The following YWHAZ variants were observed in gnomAD, a reference collection of about 807,000 sequenced individuals.
The protein encoded by YWHAZ is tyrosine 3-monooxygenase/tryptophan 5-monooxygenase activation protein zeta, also known as 14-3-3 protein zeta/delta.
For missense variants in YWHAZ, 79 were observed against 284.8 expected (o/e 0.28, Z 5.20); for synonymous variants, 87 against 103.6 (o/e 0.84, Z 0.97).
intron 2 of YWHAZ, among the ~76,000 whole-genome samples, chr8:100,932,702 G>GA (rs1334414487): frequency 6.6e-6 from 1 of 152,004 alleles, no homozygotes; most frequent in Non-Finnish European, 1.5e-5. Flanking sequence ...GTTCTTTGAA[G>GA]AAAAAAGTGT....
chr8:100,920,480 C>T lies in YWHAZ; in HGVS notation c.*213G>A. ...AATTCCACATCCCCATATTGGCCAC[C>T]TCAAGATGAAAACAGATAACTCCCT... On this transcript the variant is annotated 3_prime_UTR_variant, in exon 6 of 6. Transcript: ENST00000395958. The T allele has an allele frequency of 1.7e-6, 1 of 571,750 alleles. No individual in the cohort carries two copies. Among genetic ancestry groups the T allele is most frequent in the East Asian group, 3.0e-5 (1 of 33,108 alleles). The allele number at this position is 571,750 out of a possible 1,614,324, so 35.4% of individuals were successfully genotyped here. A position where few individuals can be genotyped will look rare whatever the true frequency, so the allele number is the denominator to read the frequency against.
chr8:100,944,464 C>A (rs1037023827), intron 2 of YWHAZ, among the ~76,000 whole-genome samples: 1 of 152,154 alleles, frequency 6.6e-6, no homozygotes, highest in Non-Finnish European at 1.5e-5. Flanking sequence ...ACTGCAGTTG[C>A]CAACTGTTAT....
At chr8:100,939,441 T>C (rs1163512757) in intron 2 of YWHAZ, among the ~76,000 whole-genome samples, 1 of 149,326 alleles carries the variant, frequency 6.7e-6, no homozygotes, top group Non-Finnish European at 1.5e-5. Context: ...GGGTGGATCA[T>C]CTGAGGTCAG....
chr8:100,939,446 G>C (rs1814453514), intron 2 of YWHAZ, among the ~76,000 whole-genome samples: 1 of 150,910 alleles, frequency 6.6e-6, no homozygotes, highest in South Asian at 2.1e-4. Flanking sequence ...GATCATCTGA[G>C]GTCAGGAGTT....
In YWHAZ at chr8:100,920,698, T is replaced by C. The variant is rs1442945644; in HGVS notation, c.733A>G (p.Asn245Asp). The C allele has an allele frequency of 6.2e-7, 1 of 1,608,816 alleles. No homozygotes were observed. Among genetic ancestry groups the C allele is most frequent in the East Asian group, 2.2e-5 (1 of 44,488 alleles). The change falls in exon 6 of 6, where the codon AAT (asparagine) becomes GAT (aspartate). Residue 245 changes from asparagine (N) to aspartate (D), a missense_variant. Transcript: ENST00000395958. Reference protein sequence around the residue: ...DEAEAGEGGEN With the variant: ...DEAEAGEGGED Reference sequence around the variant, plus strand: ...GACAAAAGTTGGAAGGCCGGTTAATTTTCCCCTCCTTCTCCTGCTTCAGCT... The same window carrying C: ...GACAAAAGTTGGAAGGCCGGTTAATCTTCCCCTCCTTCTCCTGCTTCAGCT...
intron 1 of YWHAZ, chr8:100,950,313 G>A (rs145813693): frequency 3.4e-5 from 31 of 914,770 alleles, no homozygotes; most frequent in Middle Eastern, 1.1e-3. Context: ...CGGTACAAGA[G>A]GAAGTGGATA....
chr8:100,942,622 G>A (rs1809956754), intron 2 of YWHAZ, among the ~76,000 whole-genome samples: 1 of 152,118 alleles, frequency 6.6e-6, no homozygotes, highest in African/African-American at 2.4e-5. Flanking sequence ...AGATAATCAA[G>A]ATTAAAATAA....
rs1398489242 is a variant in YWHAZ, at chr8:100,919,613, AT to A, written c.*1079del. 6.6e-6 allele frequency: 1 copy of A among 152,548 alleles called. No homozygotes were observed. Among genetic ancestry groups the A allele is most frequent in the Non-Finnish European group, 1.5e-5 (1 of 68,048 alleles). 9.4% of individuals were successfully genotyped at this position (152,548 alleles called of 1,614,324 possible). The stretch of plus-strand genomic sequence containing the variant: ...GCTGCCAAGAGGGAATAAGGAATAA[AT>A]TTCAAAAAATGTACAATTTCCTTTA... On this transcript the variant is annotated 3_prime_UTR_variant, in exon 6 of 6. Transcript: ENST00000395958.
In YWHAZ at chr8:100,924,631, T is replaced by C. The variant is rs1248565651; in HGVS notation, c.418+285A>G. On this transcript the variant is annotated intron_variant, in intron 3 of 5. Transcript: ENST00000395958. The surrounding 1 kb of genome is among the most constrained non-coding windows in gnomAD (Gnocchi z 5.7). ...AAAGGCTTGCACCACCATGCCCAGC[T>C]AATTTTCAAAATATTTTTTGTAGAG... Among the ~76,000 whole-genome samples, 1 of 152,222 alleles carries C rather than the reference T, an allele frequency of 6.6e-6. No homozygotes were observed. The highest frequency in any genetic ancestry group is 1.5e-5 in the Non-Finnish European group (1 of 68,040).
In YWHAZ at chr8:100,932,335, C is replaced by A. The variant is rs377632713; in HGVS notation, c.295-7296G>T. ...ACCCAAAAACCACCTTAGCTCTGAACTCCCTCTTATGTGAAATAATTTCCT... is the reference window on the plus strand; with the variant it reads ...ACCCAAAAACCACCTTAGCTCTGAAATCCCTCTTATGTGAAATAATTTCCT... On this transcript the variant is annotated intron_variant, in intron 2 of 5. Transcript: ENST00000395958. Among the ~76,000 whole-genome samples, 400 of 152,234 alleles carry A rather than the reference C, an allele frequency of 2.6e-3. 1 individual carries two copies. Among genetic ancestry groups the A allele is most frequent in the Middle Eastern group, 0.02 (6 of 294 alleles).
At position 100,917,629 on chromosome 8, in the gene YWHAZ, G is replaced by C. The variant is rs1381404630; in HGVS notation, c.*3064C>G. 1.3e-5 allele frequency: 2 copies of C among 151,870 alleles called. No homozygotes were observed. The highest frequency in any genetic ancestry group is 2.4e-5 in the African/African-American group (1 of 41,108). The allele number at this position is 151,870 out of a possible 1,614,324, so 9.4% of individuals were successfully genotyped here. On this transcript the variant is annotated 3_prime_UTR_variant, in exon 6 of 6. Transcript: ENST00000395958. Reference sequence around the variant, plus strand: ...AGCTACTTGCGAGGCTGAGGCAGGAGAATCACTTCAGCCTGGGAGGAGAAG... The same window carrying C: ...AGCTACTTGCGAGGCTGAGGCAGGACAATCACTTCAGCCTGGGAGGAGAAG...
In YWHAZ at chr8:100,918,408, TTATATATATATATATATATATATATA is replaced by T. The variant is rs71572094; in HGVS notation, c.*2259_*2284del. The T allele has an allele frequency of 3.8e-4, 16 of 41,882 alleles. 2 individuals are homozygous for T. The highest frequency in any genetic ancestry group is 2.9e-3 in the East Asian group (2 of 688). 2.6% of individuals were successfully genotyped at this position (41,882 alleles called of 1,614,324 possible). On this transcript the variant is annotated 3_prime_UTR_variant, in exon 6 of 6. Coordinates refer to ENST00000395958, the MANE Select transcript of YWHAZ (RefSeq NM_145690.3). Reference sequence around the variant, plus strand: ...AGTCTAGCTATAAAATATAATTACTTTATATATATATATATATATATATATATATATATATAATTATTTTACCTCCT... The same window carrying T: ...AGTCTAGCTATAAAATATAATTACTTTATATATATAATTATTTTACCTCCT...
intron 1 of YWHAZ, chr8:100,951,675 G>A (rs777512073): frequency 9.7e-5 from 96 of 985,270 alleles, no homozygotes; most frequent in Admixed American, 3.1e-4. Context: ...CCGGGGGCAG[G>A]ACGGGGGAGC....
rs1438038791 is a variant in YWHAZ at position 100,948,105 on chromosome 8, TCA to T, written c.294+489_294+490del. On this transcript the variant is annotated intron_variant, in intron 2 of 5. Transcript: ENST00000395958. This position sits in a 1 kb window ranked among gnomAD's most constrained non-coding sequence, Gnocchi z 4.2. The stretch of plus-strand genomic sequence containing the variant: ...CAAGAATTCAATGCAGGAAGAGGTT[TCA>T]TAGTTGTGACGCCAGAGTTTTCTGC... 7 of 1,535,012 alleles carry T rather than the reference TCA, an allele frequency of 4.6e-6. No homozygotes were observed. In the Admixed American group the frequency reaches 1.2e-4, roughly 26 times the overall value.
chr8:100,951,787 C>T, intron 1 of YWHAZ, 142 bp downstream of exon 1: 2 of 985,378 alleles, frequency 2.0e-6, no homozygotes, highest in South Asian at 4.7e-5. Context: ...CCGCCCGTGT[C>T]CGCTGAGGAG....
Position 100,948,702 on chromosome 8 carries a change from G to A in YWHAZ, c.188C>T (p.Ser63Leu). The stretch of plus-strand genomic sequence containing the variant: ...ACCTTCCGTCTTTTGTTCAATACTT[G>A]AGACGACCCTCCAAGATGACCTACG... The part of the protein sequence containing the change: ...GARRSSWRVV[S>L]SIEQKTEGAE... Residue 63 changes from serine (S) to leucine (L), a missense_variant, in exon 2 of 6, where the codon TCA (serine) becomes TTA (leucine). Coordinates refer to ENST00000395958, the MANE Select transcript of YWHAZ (RefSeq NM_145690.3). This position sits in a 1 kb window ranked among gnomAD's most constrained non-coding sequence, Gnocchi z 4.2. The A allele has an allele frequency of 6.2e-7, 1 of 1,602,018 alleles. No individual in the cohort carries two copies. Among genetic ancestry groups the A allele is most frequent in the Non-Finnish European group, 8.5e-7 (1 of 1,179,794 alleles).
chr8:100,932,331 T>A (rs3100053), intron 2 of YWHAZ, among the ~76,000 whole-genome samples: 70,570 of 151,948 alleles, frequency 0.46, 17,013 homozygotes, highest in South Asian at 0.63. Context: ...ACCTTAGCTC[T>A]GAACTCCCTC....
chr8:100,929,191 T>C (rs1586102563), intron 2 of YWHAZ, among the ~76,000 whole-genome samples: 1 of 151,362 alleles, frequency 6.6e-6, no homozygotes, highest in Non-Finnish European at 1.5e-5. Context: ...ATCCATCACC[T>C]CAAACATTGA....
chr8:100,952,791 G>C (rs1225894274), upstream of YWHAZ: 3 of 999,896 alleles, frequency 3.0e-6, no homozygotes, highest in African/African-American at 5.2e-5. Flanking sequence ...CCCTTCCCCG[G>C]CTGGGCCGAC....
Sources: allele counts gnomAD v4.1 joint callset (sites outside exome capture counted in the v4.1 genomes callset), GRCh38; gene constraint gnomAD v4.1.1; non-coding constraint Gnocchi (gnomAD v3.1); transcripts MANE v1.5; gene names NCBI Gene and HGNC (gene_info 2026-07-23, HGNC 2026-07-21).